The following AGBL4 variants were observed in gnomAD, a reference collection of about 807,000 sequenced individuals.
AGBL4 encodes cytosolic carboxypeptidase 6.
A neutral mutation model predicts 66.4 loss-of-function variants in AGBL4; 58 were observed. That is an observed-to-expected ratio of 0.87 (90% CI 0.71 to 1.09). The LOEUF is 1.09. AGBL4 is among the 50% of genes least tolerant of loss of function. AGBL4 has a pLI of 0.00. For missense variants in AGBL4, 579 were observed against 631.0 expected (o/e 0.92, Z 0.88); for synonymous variants, 234 against 222.9 (o/e 1.05, Z -0.44).
chr1:48,527,508 A>G, the AGBL4 span, among the ~76,000 whole-genome samples: 2 of 151,872 alleles, frequency 1.3e-5, no homozygotes, highest in African/African-American at 4.8e-5. Context: ...GAGGCAGGAG[A>G]ATTGCTTGAA....
intron 3 of AGBL4, among the ~76,000 whole-genome samples, chr1:49,683,769 T>C (rs572756611): frequency 1.9e-4 from 29 of 152,136 alleles, no homozygotes; most frequent in Non-Finnish European, 3.4e-4. Context: ...CAAGAATGAA[T>C]CCCAAATTTT....
intron 6 of AGBL4, among the ~76,000 whole-genome samples, chr1:48,737,515 G>A (rs1649260049): frequency 6.6e-6 from 1 of 152,074 alleles, no homozygotes; most frequent in African/African-American, 2.4e-5. Context: ...TGAAGTGGTG[G>A]AGCTGGATTT....
intron 11 of AGBL4, among the ~76,000 whole-genome samples, chr1:48,569,319 C>G (rs1052010427): frequency 6.6e-6 from 1 of 152,214 alleles, no homozygotes; most frequent in Non-Finnish European, 1.5e-5. Flanking sequence ...ATTGCCAATG[C>G]CCAGCACAGG....
Position 49,779,024 on chromosome 1 carries a change from CAACA to C in AGBL4, c.157+72368_157+72371del, listed in dbSNP as rs1206576685. On this transcript the variant is annotated intron_variant, in intron 2 of 13. Transcript: ENST00000371839. ...ATACTCAGAGCACTACCAAAACATA[CAACA>C]ATCAGATAGCAATTATTGGTGGCTA... is the stretch of plus-strand genomic sequence containing the variant. 2.0e-5 allele frequency among the ~76,000 whole-genome samples: 3 copies of C among 152,202 alleles called. No individual in the cohort carries two copies. In the East Asian group the frequency reaches 5.8e-4, roughly 29 times the overall value.
chr1:48,903,540 A>G (rs1011958330), intron 5 of AGBL4, among the ~76,000 whole-genome samples: 2 of 152,164 alleles, frequency 1.3e-5, no homozygotes, highest in African/African-American at 4.8e-5. Flanking sequence ...CAGGATTTGG[A>G]CACCAGGTGA....
At chr1:48,586,464 T>C (rs571886028) in intron 11 of AGBL4, 1 of 150,030 alleles carries the variant, frequency 6.7e-6, no homozygotes, top group East Asian at 2.0e-4. Context: ...ACAGGACAGG[T>C]GAGGAGGGAG....
chr1:49,647,854 C>CAAAA (rs773155990), intron 3 of AGBL4, among the ~76,000 whole-genome samples: 1 of 98,954 alleles, frequency 1.0e-5, no homozygotes. Context: ...TGGACTGACC[C>CAAAA]AAAAAAAAAA....
intron 8 of AGBL4, among the ~76,000 whole-genome samples, chr1:48,642,811 G>A (rs1225035137): frequency 2.6e-5 from 4 of 152,132 alleles, no homozygotes; most frequent in African/African-American, 7.2e-5. Context: ...AAACAAAAAA[G>A]GGGGCATAAA....
intron 5 of AGBL4, among the ~76,000 whole-genome samples, chr1:49,043,291 G>T (rs1643992309): frequency 6.6e-6 from 1 of 152,074 alleles, no homozygotes; most frequent in African/African-American, 2.4e-5. Context: ...TCTGGATTCT[G>T]GTTGTGTTGG....
At chr1:49,198,926 G>A (rs1647459471) in intron 4 of AGBL4, among the ~76,000 whole-genome samples, 1 of 152,106 alleles carries the variant, frequency 6.6e-6, no homozygotes, top group Admixed American at 6.5e-5. Flanking sequence ...GCACATATGT[G>A]CTTGGTATGA....
chr1:49,119,903 T>C (rs1011748833), intron 4 of AGBL4, among the ~76,000 whole-genome samples: 5 of 152,234 alleles, frequency 3.3e-5, no homozygotes, highest in Non-Finnish European at 7.3e-5. Flanking sequence ...TTAGCTCTTC[T>C]TATTGAATTG....
chr1:49,536,074 A>T (rs765669798), intron 3 of AGBL4, among the ~76,000 whole-genome samples: 1 of 152,240 alleles, frequency 6.6e-6, no homozygotes, highest in Non-Finnish European at 1.5e-5. Context: ...TATTAATTAC[A>T]AGTCATAAAA....
intron 3 of AGBL4, among the ~76,000 whole-genome samples, chr1:49,419,025 A>T (rs2148638939): frequency 6.6e-6 from 1 of 152,344 alleles, no homozygotes; most frequent in Non-Finnish European, 1.5e-5. Context: ...TCAGACTTTA[A>T]TTAGGAAGGG....
At chr1:49,398,166 ACTGT>A (rs1645009958) in intron 3 of AGBL4, among the ~76,000 whole-genome samples, 1 of 152,286 alleles carries the variant, frequency 6.6e-6, no homozygotes, top group African/African-American at 2.4e-5. Flanking sequence ...AGTATTTCTG[ACTGT>A]CTGTGAGGAT....
intron 3 of AGBL4, among the ~76,000 whole-genome samples, chr1:49,472,946 C>G (rs1390057012): frequency 3.3e-5 from 5 of 151,940 alleles, no homozygotes; most frequent in Admixed American, 3.3e-4. Context: ...TGCATTAATT[C>G]GCTTAGGATA....
chr1:49,385,075 G>T (rs1320913086), intron 3 of AGBL4, among the ~76,000 whole-genome samples: 1 of 152,138 alleles, frequency 6.6e-6, no homozygotes, highest in Non-Finnish European at 1.5e-5. Context: ...AGTACTGCCT[G>T]ATTTCTCTTA....
rs1051048567 is a variant in AGBL4 at position 49,504,797 on chromosome 1, A to C, written c.282+192516T>G. ...GGTCTTGCTTTCATTTATCTATTCC[A>C]GCATGCTATGGCTTTTGATTGGAGA... On this transcript the variant is annotated intron_variant, in intron 3 of 13. Coordinates refer to ENST00000371839, the MANE Select transcript of AGBL4 (RefSeq NM_032785.4). Among the ~76,000 whole-genome samples the C allele has an allele frequency of 1.2e-4, 18 of 152,110 alleles. No individual in the cohort carries two copies. In the East Asian group the frequency reaches 3.1e-3, roughly 26 times the overall value.
intron 6 of AGBL4, among the ~76,000 whole-genome samples, chr1:48,781,555 G>T (rs1645293320): frequency 6.6e-6 from 1 of 152,168 alleles, no homozygotes; most frequent in South Asian, 2.1e-4. Context: ...ACTTAAAGAG[G>T]CAACTGCAAA....
intron 4 of AGBL4, among the ~76,000 whole-genome samples, chr1:49,113,687 A>C (rs1645459924): frequency 6.6e-6 from 1 of 152,252 alleles, no homozygotes; most frequent in Non-Finnish European, 1.5e-5. Context: ...AAATAAGAAG[A>C]CTTGAAAGTT....
Sources: allele counts gnomAD v4.1 joint callset (sites outside exome capture counted in the v4.1 genomes callset), GRCh38; gene constraint gnomAD v4.1.1; transcripts MANE v1.5; gene names NCBI Gene and HGNC (gene_info 2026-07-23, HGNC 2026-07-21).